The following SUSD4 variants were observed in gnomAD, a reference collection of about 807,000 sequenced individuals.
SUSD4 encodes the protein sushi domain containing 4, also known as sushi domain-containing protein 4.
SUSD4 carries 41 observed loss-of-function variants against 50.5 expected under a neutral mutation model. The ratio of observed to expected loss-of-function variants is 0.81; its 90% CI spans 0.63 to 1.05. SUSD4 has a LOEUF of 1.05. Ranked by LOEUF, SUSD4 falls within the 50% of genes least tolerant of loss-of-function variation. SUSD4 has a pLI of 0.00. For missense variants in SUSD4, 580 were observed against 634.7 expected, an observed-to-expected ratio of 0.91 and a Z score of 0.93; for synonymous variants, 257 against 257.3, an observed-to-expected ratio of 1.00 and a Z score of 0.01.
chr1:223,264,178 T>G, intron 5 of SUSD4: 1 of 985,450 alleles, frequency 1.0e-6, no homozygotes, highest in Non-Finnish European at 1.2e-6. Flanking sequence ...AAAGAGCTCT[T>G]GCTTTCAGGC....
intron 3 of SUSD4, among the ~76,000 whole-genome samples, chr1:223,290,472 G>C (rs1305138259): frequency 6.6e-6 from 1 of 152,182 alleles, no homozygotes; most frequent in Non-Finnish European, 1.5e-5. Flanking sequence ...CATTGTCTTA[G>C]AAAGGTAATA....
At chr1:223,320,758 C>T (rs74716256) in intron 2 of SUSD4, among the ~76,000 whole-genome samples, 1,821 of 152,276 alleles carry the variant, frequency 0.012, 35 homozygotes, top group African/African-American at 0.041. Context: ...TGCTCAATGC[C>T]CTGAGCTCAG....
At chr1:223,342,632 G>T (rs111511710) in intron 2 of SUSD4, among the ~76,000 whole-genome samples, 82 of 152,298 alleles carry the variant, frequency 5.4e-4, no homozygotes, top group African/African-American at 1.9e-3. Flanking sequence ...TTATGAGGGT[G>T]TTATTTCAAA....
chr1:223,267,430 A>G (rs904336303), intron 4 of SUSD4, among the ~76,000 whole-genome samples: 2 of 152,158 alleles, frequency 1.3e-5, no homozygotes, highest in African/African-American at 4.8e-5. Context: ...AATAAAGTTT[A>G]TTTGAATAAG....
At chr1:223,289,391 T>C (rs1190883321) in intron 3 of SUSD4, 4 of 774,434 alleles carry the variant, frequency 5.2e-6, no homozygotes, top group Non-Finnish European at 4.7e-6. Context: ...AAGAAGCAAG[T>C]TGAATTGGAA....
chr1:223,268,730 T>C (rs1162112939), intron 3 of SUSD4, 55 bp from the exon 4 acceptor site: 1 of 1,547,806 alleles, frequency 6.5e-7, no homozygotes, highest in East Asian at 2.3e-5. Context: ...CGGTTGTGGT[T>C]CACAGCTTCA....
Position 223,221,460 on chromosome 1 carries a change from C to T in SUSD4, c.*732G>A, listed in dbSNP as rs1271745224. On this transcript the variant is annotated 3_prime_UTR_variant, in exon 9 of 9. Coordinates refer to ENST00000366878, the MANE Select transcript of SUSD4 (RefSeq NM_017982.4). Reference sequence around the variant, plus strand: ...TACCCAATGCCATGGATCCATGTGCCACACCATGAATACAAACACTGATGA... The same window carrying T: ...TACCCAATGCCATGGATCCATGTGCTACACCATGAATACAAACACTGATGA... 2.1e-5 allele frequency: 4 copies of T among 194,210 alleles called. No individual in the cohort carries two copies. Among genetic ancestry groups the T allele is most frequent in the Non-Finnish European group, 4.2e-5 (4 of 95,924 alleles). The allele number at this position is 194,210 out of a possible 1,614,324, so 12.0% of individuals were successfully genotyped here. A position where few individuals can be genotyped will look rare whatever the true frequency, so the allele number is the denominator to read the frequency against.
rs187664655 is a variant in SUSD4 at position 223,222,269 on chromosome 1, T to C, written c.1445-49A>G. 7.3e-3 allele frequency: 11,626 copies of C among 1,586,150 alleles called. 64 individuals are homozygous for C. The highest frequency in any genetic ancestry group is 8.3e-3 in the Non-Finnish European group (9,640 of 1,161,018). On this transcript the variant is annotated intron_variant, in intron 8 of 8. Transcript: ENST00000366878. ...AGCTTAACATAACCAGAAAACACCA[T>C]GACGATCTGGAATTATATGCCTCAT... is the stretch of plus-strand genomic sequence containing the variant.
intron 3 of SUSD4, among the ~76,000 whole-genome samples, chr1:223,279,616 T>C (rs1009410194): frequency 8.5e-5 from 13 of 152,224 alleles, no homozygotes; most frequent in Admixed American, 6.5e-4. Flanking sequence ...ATCTGATTGA[T>C]GTACCTGAAA....
At chr1:223,307,542 A>T (rs780121971) in intron 2 of SUSD4, among the ~76,000 whole-genome samples, 2 of 152,194 alleles carry the variant, frequency 1.3e-5, no homozygotes, top group Non-Finnish European at 2.9e-5. Context: ...TCATTTGTAA[A>T]CTAGAGTCCA....
rs114829066 is a variant in SUSD4 at position 223,292,338 on chromosome 1, G to C, written c.361+101C>G. ...CATGCAGGTGCAGCCCTGCATCAGA[G>C]AGAAGAGCCCAGGGTATTGAGCTGT... is the stretch of plus-strand genomic sequence containing the variant. On this transcript the variant is annotated intron_variant, in intron 3 of 8. Transcript: ENST00000366878. 803 of 1,314,570 alleles carry C rather than the reference G, an allele frequency of 6.1e-4. 5 individuals carry two copies. In the African/African-American group the frequency reaches 0.011, roughly 17 times the overall value. 81.4% of individuals were successfully genotyped at this position (1,314,570 alleles called of 1,614,324 possible).
chr1:223,291,242 C>G (rs981368057), intron 3 of SUSD4, among the ~76,000 whole-genome samples: 1 of 152,002 alleles, frequency 6.6e-6, no homozygotes, highest in South Asian at 2.1e-4. Flanking sequence ...CCTGTAATCG[C>G]AGCACTTTGG....
In SUSD4 at chr1:223,223,582, C is replaced by T. The variant is rs544943915; in HGVS notation, c.1111G>A (p.Gly371Ser). 5.6e-6 allele frequency: 9 copies of T among 1,612,796 alleles called. No individual in the cohort carries two copies. The highest frequency in any genetic ancestry group is 4.5e-5 in the East Asian group (2 of 44,838). ...SSDPDFVVVD[G>S]VPVMLPSYDE... Reference sequence around the variant, plus strand: ...TAGGACGGGAGCATGACGGGCACGCCGTCTACCACCACAAAGTCAGGGTCA... The same window carrying T: ...TAGGACGGGAGCATGACGGGCACGCTGTCTACCACCACAAAGTCAGGGTCA... Residue 371 changes from glycine to serine, a missense_variant, in exon 8 of 9, where the codon GGC becomes AGC. Gly to Ser is a moderately conservative substitution (Grantham distance 56). Transcript: ENST00000366878.
At chr1:223,315,264 A>C (rs745644496) in intron 2 of SUSD4, among the ~76,000 whole-genome samples, 1 of 152,226 alleles carries the variant, frequency 6.6e-6, no homozygotes. Flanking sequence ...GGTTAGGAGG[A>C]CGTTAGAAGG....
At chr1:223,235,238 G>T in intron 5 of SUSD4, 1 of 888,876 alleles carries the variant, frequency 1.1e-6, no homozygotes, top group Non-Finnish European at 1.7e-6. Context: ...CAGCAATATT[G>T]AGCAGAAGGT....
chr1:223,297,106 A>G (rs1421171821), intron 2 of SUSD4, among the ~76,000 whole-genome samples: 5 of 152,218 alleles, frequency 3.3e-5, no homozygotes, highest in African/African-American at 1.2e-4. Context: ...GGTCAACTAC[A>G]TAAAGATCTG....
At chr1:223,245,005 C>T (rs1660825168) in intron 5 of SUSD4, among the ~76,000 whole-genome samples, 1 of 152,054 alleles carries the variant, frequency 6.6e-6, no homozygotes, top group Admixed American at 6.6e-5. Context: ...TAGAACAGCC[C>T]TATTCACAGT....
intron 3 of SUSD4, among the ~76,000 whole-genome samples, chr1:223,286,011 G>A (rs185898554): frequency 6.6e-5 from 10 of 152,272 alleles, no homozygotes; most frequent in East Asian, 5.8e-4. Context: ...CAAAAAGTCC[G>A]GGGAAAAAAT....
chr1:223,321,133 C>T (rs79228912), intron 2 of SUSD4, among the ~76,000 whole-genome samples: 9,762 of 152,194 alleles, frequency 0.064, 372 homozygotes, highest in East Asian at 0.12. Context: ...CTCCACAAGA[C>T]GTGCCCACTC....
Sources: allele counts gnomAD v4.1 joint callset (sites outside exome capture counted in the v4.1 genomes callset), GRCh38; gene constraint gnomAD v4.1.1; transcripts MANE v1.5; gene names NCBI Gene and HGNC (gene_info 2026-07-23, HGNC 2026-07-21).